BBIP1: variants seen among roughly 807,000 people sequenced by gnomAD.
BBIP1 encodes the protein BBSome interacting protein 1.
A neutral mutation model predicts 8.9 loss-of-function variants in BBIP1; 6 were observed. That is an observed-to-expected ratio of 0.67 (90% CI 0.37 to 1.33). The LOEUF (loss-of-function observed/expected upper bound fraction) is 1.33, where lower values mean the gene tolerates loss of function less well. BBIP1 is among the 40% of genes most tolerant of loss of function. The pLI, the probability that BBIP1 is intolerant of heterozygous loss-of-function variation, is 0.02. For missense variants in BBIP1, 111 were observed against 109.2 expected (o/e 1.02, Z -0.07); for synonymous variants, 32 against 33.4 (o/e 0.96, Z 0.14).
intron 2 of BBIP1, chr10:110,907,950 TA>T (rs1846186153): frequency 1.8e-6 from 1 of 552,348 alleles, no homozygotes; most frequent in African/African-American, 1.9e-5. Flanking sequence ...TATTGTTTCC[TA>T]AAGTTATGTG....
At position 110,900,339 on chromosome 10, in the gene BBIP1, C is replaced by G. The variant is rs1012055625; in HGVS notation, c.*21G>C. On this transcript the variant is annotated 3_prime_UTR_variant, in exon 4 of 4. Coordinates refer to ENST00000448814, the MANE Select transcript of BBIP1 (RefSeq NM_001195305.3). Reference sequence around the variant, plus strand: ...AAATAGTAGATAAGGCAGGTTGTTCCCTAAAGTGCTCAGTTATCATTCAGT... The same window carrying G: ...AAATAGTAGATAAGGCAGGTTGTTCGCTAAAGTGCTCAGTTATCATTCAGT... The G allele has an allele frequency of 8.5e-6, 13 of 1,524,180 alleles. No individual in the cohort carries two copies. Among genetic ancestry groups the G allele is most frequent in the Admixed American group, 8.1e-5 (4 of 49,656 alleles). 94.4% of individuals were successfully genotyped at this position (1,524,180 alleles called of 1,614,324 possible).
rs1314431931 is a variant in BBIP1, at chr10:110,899,192, T to C, written c.*1168A>G. The C allele has an allele frequency of 6.6e-6, 1 of 152,200 alleles. No homozygotes were observed. The highest frequency in any genetic ancestry group is 1.5e-5 in the Non-Finnish European group (1 of 68,032). The allele number at this position is 152,200 out of a possible 1,614,324, so 9.4% of individuals were successfully genotyped here. On this transcript the variant is annotated 3_prime_UTR_variant, in exon 4 of 4. Transcript: ENST00000448814. ...TAACTCAGCAAGGCCTCAACGTCTG[T>C]GCTAATTTAAACTGCCAAATATTGA...
chr10:110,901,253 C>A lies in BBIP1; in HGVS notation c.112+285G>T. 6 of 415,360 alleles carry A rather than the reference C, an allele frequency of 1.4e-5. 1 individual carries two copies. Among genetic ancestry groups the A allele is most frequent in the South Asian group, 1.3e-4 (6 of 46,140 alleles). 25.7% of individuals were successfully genotyped at this position (415,360 alleles called of 1,614,324 possible). A position where few individuals can be genotyped will look rare whatever the true frequency, so the allele number is the denominator to read the frequency against. On this transcript the variant is annotated intron_variant, in intron 3 of 3. Transcript: ENST00000448814. Reference sequence around the variant, plus strand: ...TACGGTTGTGCCAGCTGTACCCAAGCCTGGGTGGCAGAGTGACAACCTGTC... The same window carrying A: ...TACGGTTGTGCCAGCTGTACCCAAGACTGGGTGGCAGAGTGACAACCTGTC...
chr10:110,908,805 AAAG>A lies in BBIP1; in HGVS notation c.38-7196_38-7194del, dbSNP rs956494805. Among the ~76,000 whole-genome samples, 5 of 152,264 alleles carry A rather than the reference AAAG, an allele frequency of 3.3e-5. No homozygotes were observed. In the South Asian group the frequency reaches 8.3e-4, roughly 25 times the overall value. ...GCAAGGAATGCTTAAAAAAAAAAAA[AAAG>A]AGTTACGAGCAATCTGTCTGGAAAC... On this transcript the variant is annotated intron_variant, in intron 2 of 3. Transcript: ENST00000448814.
chr10:110,914,202 CT>C (rs1254893182), intron 2 of BBIP1, among the ~76,000 whole-genome samples: 4 of 152,068 alleles, frequency 2.6e-5, no homozygotes, highest in Admixed American at 1.3e-4. Flanking sequence ...TCTCTGGGAA[CT>C]GAAGGAGTAG....
At chr10:110,910,633 T>G (rs139040429) in intron 2 of BBIP1, 2 of 152,234 alleles carry the variant, frequency 1.3e-5, no homozygotes, top group African/African-American at 4.8e-5. Flanking sequence ...TACAAGAAGT[T>G]GAGATTCAAA....
intron 2 of BBIP1, chr10:110,907,861 T>C: frequency 1.5e-6 from 1 of 677,846 alleles, no homozygotes; most frequent in East Asian, 2.7e-5. Flanking sequence ...AGTTAAATTT[T>C]CTTTTTAATA....
At chr10:110,902,241 T>G (rs1047082633) in intron 2 of BBIP1, 14 of 153,506 alleles carry the variant, frequency 9.1e-5, no homozygotes, top group African/African-American at 3.4e-4. Flanking sequence ...ATACCGAGAT[T>G]CTATATGCGA....
chr10:110,904,237 C>T (rs1846077004), intron 2 of BBIP1: 1 of 149,716 alleles, frequency 6.7e-6, no homozygotes, highest in Non-Finnish European at 1.5e-5. Context: ...CCATTTAATT[C>T]AATAAATATG....
chr10:110,906,324 T>C (rs1846135368), intron 2 of BBIP1, among the ~76,000 whole-genome samples: 1 of 152,150 alleles, frequency 6.6e-6, no homozygotes, highest in Admixed American at 6.5e-5. Flanking sequence ...GGTATTTTAA[T>C]GATCATCCTA....
intron 2 of BBIP1, among the ~76,000 whole-genome samples, chr10:110,909,061 T>G (rs147220884): frequency 2.4e-4 from 36 of 152,268 alleles, no homozygotes; most frequent in African/African-American, 8.2e-4. Context: ...AAGTAAAAGC[T>G]GTGATGGGGT....
At chr10:110,901,389 T>C in intron 3 of BBIP1, 149 bp downstream of exon 3, 2 of 616,460 alleles carry the variant, frequency 3.2e-6, no homozygotes, top group Non-Finnish European at 2.9e-6. Flanking sequence ...CTGGATGTCA[T>C]GAAAAAGCAT....
At chr10:110,901,420 A>T (rs1025822038) in intron 3 of BBIP1, 118 bp downstream of exon 3, 2 of 710,530 alleles carry the variant, frequency 2.8e-6, no homozygotes, top group African/African-American at 3.5e-5. Flanking sequence ...ACAGTAAATG[A>T]GATAATACGG....
intron 2 of BBIP1, chr10:110,906,780 G>C (rs953829605): frequency 6.6e-6 from 1 of 152,102 alleles, no homozygotes; most frequent in East Asian, 1.9e-4. Context: ...GGCTGGTCTC[G>C]AACTTCTGAC....
intron 2 of BBIP1, among the ~76,000 whole-genome samples, chr10:110,909,877 C>T (rs923203210): frequency 2.6e-5 from 4 of 152,226 alleles, no homozygotes; most frequent in East Asian, 1.9e-4. Flanking sequence ...AGTACCTATA[C>T]GAACAGATTT....
intron 2 of BBIP1, among the ~76,000 whole-genome samples, chr10:110,917,748 A>G (rs893629724): frequency 3.3e-5 from 5 of 152,228 alleles, no homozygotes; most frequent in African/African-American, 1.2e-4. Flanking sequence ...GTGCATGGTG[A>G]AAATGACGGG....
chr10:110,918,852 T>G (rs1185191142), intron 1 of BBIP1: 1 of 152,430 alleles, frequency 6.6e-6, no homozygotes, highest in African/African-American at 2.4e-5. Flanking sequence ...CACCTCACTT[T>G]GCAACTAAGG....
intron 1 of BBIP1, among the ~76,000 whole-genome samples, chr10:110,918,621 C>T (rs1846502984): frequency 6.6e-6 from 1 of 152,270 alleles, no homozygotes; most frequent in Non-Finnish European, 1.5e-5. Context: ...CCATTCCCCG[C>T]TGGGGTCCTC....
At chr10:110,908,401 T>C (rs1204152519) in intron 2 of BBIP1, among the ~76,000 whole-genome samples, 2 of 152,224 alleles carry the variant, frequency 1.3e-5, no homozygotes, top group Admixed American at 6.5e-5. Context: ...TGATTACTTA[T>C]GGGCCTTATT....
Sources: gnomAD v4.1 joint callset for allele counts (sites outside exome capture counted in the v4.1 genomes callset) on GRCh38, gnomAD v4.1.1 for gene constraint, MANE v1.5 for transcripts, NCBI Gene and HGNC (gene_info 2026-07-23, HGNC 2026-07-21) for gene names.